Variants in GABRA2 observed in about 807,000 individuals in gnomAD.
The protein encoded by GABRA2 is gamma-aminobutyric acid receptor subunit alpha-2.
GABRA2 carries 16 observed loss-of-function variants against 48.7 expected under a neutral mutation model. The observed-to-expected ratio is 0.33, with a 90% CI of 0.22 to 0.50. GABRA2 has a LOEUF of 0.50. Ranked by LOEUF, GABRA2 falls within the 20% of genes least tolerant of loss-of-function variation. GABRA2 has a pLI of 0.98. For missense variants in GABRA2, 275 were observed against 535.6 expected, an observed-to-expected ratio of 0.51 and a Z score of 4.80; for synonymous variants, 185 against 184.5, an observed-to-expected ratio of 1.00 and a Z score of -0.02.
chr4:46,281,309 C>A (rs1377835847), intron 8 of GABRA2, among the ~76,000 whole-genome samples: 1 of 151,996 alleles, frequency 6.6e-6, no homozygotes, highest in Admixed American at 6.6e-5. Flanking sequence ...GTAATTGTCA[C>A]ACAGAAATGG....
At chr4:46,299,416 A>G (rs188507933) in intron 8 of GABRA2, among the ~76,000 whole-genome samples, 1 of 151,966 alleles carries the variant, frequency 6.6e-6, no homozygotes, top group African/African-American at 2.4e-5. Context: ...ACAGTTTATT[A>G]TTAATCTTAC....
At chr4:46,299,907 G>A (rs971194505) in intron 8 of GABRA2, among the ~76,000 whole-genome samples, 4 of 151,750 alleles carry the variant, frequency 2.6e-5, no homozygotes, top group South Asian at 2.1e-4. Context: ...GTAGAGTCTC[G>A]TTTCTTTCCT....
At chr4:46,272,970 C>T (rs1719635230) in intron 8 of GABRA2, among the ~76,000 whole-genome samples, 1 of 151,888 alleles carries the variant, frequency 6.6e-6, no homozygotes, top group South Asian at 2.1e-4. Flanking sequence ...CAGTTGTACA[C>T]ATGCCATGGT....
rs1717993198 is a variant in GABRA2, at chr4:46,389,808, AG to A, written c.-85del. The A allele has an allele frequency of 3.1e-6, 1 of 323,076 alleles. No individual in the cohort carries two copies. Among genetic ancestry groups the A allele is most frequent in the Non-Finnish European group, 3.5e-6 (1 of 283,926 alleles). 20.0% of individuals were successfully genotyped at this position (323,076 alleles called of 1,614,324 possible). A position where few individuals can be genotyped will look rare whatever the true frequency, so the allele number is the denominator to read the frequency against. On this transcript the variant is annotated 5_prime_UTR_variant, in exon 1 of 10. Transcript: ENST00000381620. ...TGACGAGATAGGAAACTTGGGAGAG[AG>A]AGAGAGAGAGAGAGAGAGAGAGAGA...
At chr4:46,312,755 G>T in intron 4 of GABRA2, 39 bp from the exon 5 acceptor site, 1 of 1,042,438 alleles carries the variant, frequency 9.6e-7, no homozygotes, top group Non-Finnish European at 1.4e-6. Flanking sequence ...AATAGTAAAT[G>T]TTGTAGACAC....
intron 3 of GABRA2, among the ~76,000 whole-genome samples, chr4:46,336,591 A>G (rs1476918335): frequency 1.3e-5 from 2 of 152,212 alleles, no homozygotes; most frequent in East Asian, 3.8e-4. Flanking sequence ...AGATTTCTCC[A>G]GAGGCAAAAT....
chr4:46,350,643 C>A (rs1050287063), intron 3 of GABRA2, among the ~76,000 whole-genome samples: 3 of 151,540 alleles, frequency 2.0e-5, no homozygotes, highest in African/African-American at 7.3e-5. Flanking sequence ...TCTGAAACTT[C>A]CAAAGAGAGC....
intron 3 of GABRA2, among the ~76,000 whole-genome samples, chr4:46,377,329 G>A (rs1174690923): frequency 6.6e-5 from 10 of 151,598 alleles, no homozygotes; most frequent in African/African-American, 2.2e-4. Flanking sequence ...TGGGAAGTGA[G>A]GAGCGTCTCT....
intron 3 of GABRA2, among the ~76,000 whole-genome samples, chr4:46,354,697 T>C (rs1158218781): frequency 6.6e-6 from 1 of 152,156 alleles, no homozygotes; most frequent in Non-Finnish European, 1.5e-5. Context: ...AGCGGCTTGT[T>C]TGGAATCAGC....
intron 3 of GABRA2, among the ~76,000 whole-genome samples, chr4:46,341,170 T>C (rs1733158643): frequency 1.3e-5 from 2 of 152,022 alleles, no homozygotes; most frequent in African/African-American, 4.8e-5. Context: ...TTGTTTCCTT[T>C]AGTTCATTGA....
chr4:46,346,464 T>A (rs1734157433), intron 3 of GABRA2, among the ~76,000 whole-genome samples: 1 of 151,578 alleles, frequency 6.6e-6, no homozygotes, highest in Non-Finnish European at 1.5e-5. Flanking sequence ...TAGTTCTAAG[T>A]TTTGTCTTTG....
At chr4:46,302,002 A>G (rs1160147753) in intron 8 of GABRA2, among the ~76,000 whole-genome samples, 1 of 152,180 alleles carries the variant, frequency 6.6e-6, no homozygotes, top group African/African-American at 2.4e-5. Flanking sequence ...GCATAGTTTC[A>G]ATCAAGAAAA....
intron 8 of GABRA2, among the ~76,000 whole-genome samples, chr4:46,275,795 G>T (rs1222726689): frequency 6.6e-6 from 1 of 151,974 alleles, no homozygotes; most frequent in Non-Finnish European, 1.5e-5. Context: ...TACGTTATTT[G>T]TGATAAATAG....
intron 2 of GABRA2, among the ~76,000 whole-genome samples, chr4:46,387,101 T>A (rs979986543): frequency 6.6e-6 from 1 of 151,190 alleles, no homozygotes; most frequent in Non-Finnish European, 1.5e-5. Flanking sequence ...TTTCATTGTC[T>A]TTTTTTTTCT....
chr4:46,373,721 G>A (rs915829212), intron 3 of GABRA2, among the ~76,000 whole-genome samples: 1 of 152,068 alleles, frequency 6.6e-6, no homozygotes, highest in Non-Finnish European at 1.5e-5. Flanking sequence ...TCCCATTGTT[G>A]TATGATATTT....
chr4:46,292,978 G>T (rs1175536171), intron 8 of GABRA2, among the ~76,000 whole-genome samples: 1 of 152,172 alleles, frequency 6.6e-6, no homozygotes. Context: ...CAAGTTGGCA[G>T]GGGTAAAGTA....
chr4:46,333,054 A>G (rs1052745218), intron 3 of GABRA2, among the ~76,000 whole-genome samples: 1 of 152,134 alleles, frequency 6.6e-6, no homozygotes, highest in Non-Finnish European at 1.5e-5. Context: ...ATAATCCTAC[A>G]TTCGATGTTC....
At chr4:46,315,304 T>C (rs1728366803) in intron 4 of GABRA2, among the ~76,000 whole-genome samples, 1 of 152,092 alleles carries the variant, frequency 6.6e-6, no homozygotes, top group African/African-American at 2.4e-5. Flanking sequence ...TGTCTGTTCA[T>C]GTCTTTTGCC....
intron 8 of GABRA2, among the ~76,000 whole-genome samples, chr4:46,268,915 T>C (rs62304114): frequency 0.062 from 9,492 of 151,974 alleles, 418 homozygotes; most frequent in South Asian, 0.18. Flanking sequence ...GAGAATATTA[T>C]GCTGAGTTAA....
Sources: allele counts gnomAD v4.1 joint callset (sites outside exome capture counted in the v4.1 genomes callset), GRCh38; gene constraint gnomAD v4.1.1; transcripts MANE v1.5; gene names NCBI Gene and HGNC (gene_info 2026-07-23, HGNC 2026-07-21).